TICRR: variants seen among roughly 807,000 people sequenced by gnomAD.
The protein encoded by TICRR is TOPBP1 interacting checkpoint and replication regulator.
TICRR carries 132 observed loss-of-function variants against 178.1 expected under a neutral mutation model. The observed-to-expected ratio is 0.74, with a 90% CI of 0.64 to 0.86. The LOEUF is 0.86. Ranked by LOEUF, TICRR falls within the 40% of genes least tolerant of loss-of-function variation. The probability of loss-of-function intolerance (pLI) is 0.00; values close to 1 mark genes in which losing one functional copy is unlikely to be tolerated. For missense variants in TICRR, 2,587 were observed against 2,334.3 expected, an observed-to-expected ratio of 1.11 and a Z score of -2.23; for synonymous variants, 991 against 900.7, an observed-to-expected ratio of 1.10 and a Z score of -1.79.
At position 89,621,378 on chromosome 15, in the gene TICRR, G is replaced by A. The variant is rs759538723; in HGVS notation, c.3155-15G>A. ...TGAGAAAGAATTAAATATTGTTGCT[G>A]TTTTTGACTTGCAGACCAAAGAGAA... is the stretch of plus-strand genomic sequence containing the variant. On this transcript the variant is annotated splice_polypyrimidine_tract_variant and intron_variant, in intron 18 of 21. Transcript: ENST00000268138. 1.3e-6 allele frequency: 2 copies of A among 1,588,964 alleles called. No homozygotes were observed. The highest frequency in any genetic ancestry group is 1.7e-6 in the Non-Finnish European group (2 of 1,172,432).
chr15:89,594,453 C>A lies in TICRR; in HGVS notation c.1580C>A (p.Ser527Tyr). The A allele has an allele frequency of 6.2e-7, 1 of 1,613,070 alleles. No individual in the cohort carries two copies. The highest frequency in any genetic ancestry group is 8.5e-7 in the Non-Finnish European group (1 of 1,179,468). ...QAASANKEES[S>Y]KTEGELIHCL... The stretch of plus-strand genomic sequence containing the variant: ...GCCTCAGCTAATAAGGAAGAGTCTT[C>A]CAAAACTGAAGGCGAATTAATACAT... Residue 527 changes from serine to tyrosine, a missense_variant, in exon 6 of 22, where the codon TCC becomes TAC. Physicochemically the swap from Ser to Tyr is moderately radical, Grantham distance 144. Coordinates refer to ENST00000268138, the MANE Select transcript of TICRR (RefSeq NM_152259.4).
intron 15 of TICRR, among the ~76,000 whole-genome samples, chr15:89,612,308 G>T (rs928940073): frequency 6.6e-6 from 1 of 152,164 alleles, no homozygotes; most frequent in African/African-American, 2.4e-5. Flanking sequence ...CGAGGAGGGG[G>T]AAGGTGTGTC....
chr15:89,619,604 T>C, intron 17 of TICRR, 104 bp from the exon 18 acceptor site: 1 of 1,235,776 alleles, frequency 8.1e-7, no homozygotes, highest in Non-Finnish European at 1.1e-6. Context: ...TGAATTTCCA[T>C]CTTATATGTG....
Position 89,601,470 on chromosome 15 carries a change from G to T in TICRR, c.2248-19G>T. On this transcript the variant is annotated intron_variant, in intron 10 of 21. Coordinates refer to ENST00000268138, the MANE Select transcript of TICRR (RefSeq NM_152259.4). ...CTGCAGAGGGCATCTATATAGTAACGTTCTAAAATCTCCTTCAGGTGACAG... is the reference window on the plus strand; with the variant it reads ...CTGCAGAGGGCATCTATATAGTAACTTTCTAAAATCTCCTTCAGGTGACAG... The T allele has an allele frequency of 6.2e-7, 1 of 1,613,938 alleles. No individual in the cohort carries two copies. The highest frequency in any genetic ancestry group is 8.5e-7 in the Non-Finnish European group (1 of 1,179,834).
chr15:89,617,564 T>C (rs530418118), intron 16 of TICRR, among the ~76,000 whole-genome samples: 8 of 152,218 alleles, frequency 5.3e-5, no homozygotes, highest in African/African-American at 1.9e-4. Context: ...ACTCTGTCAC[T>C]CAGGCTGGAG....
chr15:89,610,973 CTCT>C (rs1220098789), intron 15 of TICRR, among the ~76,000 whole-genome samples: 10 of 151,494 alleles, frequency 6.6e-5, no homozygotes, highest in East Asian at 1.9e-4. Context: ...GTATTTCTGT[CTCT>C]TCTTCTTTAT....
chr15:89,606,630 CTGTTGTACATTTT>C lies in TICRR; in HGVS notation c.2665-137_2665-125del, dbSNP rs1963179204. 177 of 716,352 alleles carry C rather than the reference CTGTTGTACATTTT, an allele frequency of 2.5e-4. 4 individuals are homozygous for C. The South Asian group carries it at 3.1e-3, about 13-fold the overall frequency. The allele number at this position is 716,352 out of a possible 1,614,324, so 44.4% of individuals were successfully genotyped here. The stretch of plus-strand genomic sequence containing the variant: ...AGCATTGAGTGTTTTTGGAACATTT[CTGTTGTACATTTT>C]ATTATTTCTATTATGGATCCCTATA... On this transcript the variant is annotated intron_variant, in intron 13 of 21. Transcript: ENST00000268138.
intron 13 of TICRR, among the ~76,000 whole-genome samples, chr15:89,604,039 A>G (rs940515646): frequency 1.3e-5 from 2 of 152,338 alleles, no homozygotes; most frequent in Middle Eastern, 3.4e-3. Flanking sequence ...ATTGGTTGAA[A>G]AAAAAATAAA....
chr15:89,609,578 G>T (rs564455849), intron 15 of TICRR, among the ~76,000 whole-genome samples: 1 of 151,974 alleles, frequency 6.6e-6, no homozygotes, highest in African/African-American at 2.4e-5. Flanking sequence ...AGGTTCAAGC[G>T]CTTCTCCTAC....
rs755011139 is a variant in TICRR at position 89,615,041 on chromosome 15, G to A, written c.2870-1364G>A. 2.2e-4 allele frequency among the ~76,000 whole-genome samples: 34 copies of A among 152,208 alleles called. 1 individual carries two copies. The highest frequency in any genetic ancestry group is 5.9e-5 in the Non-Finnish European group (4 of 68,040). On this transcript the variant is annotated intron_variant, in intron 15 of 21. Coordinates refer to ENST00000268138, the MANE Select transcript of TICRR (RefSeq NM_152259.4). ...CGTGTGTGGACTTTTGGATGCCTAAGAATGTCATCAGAGATTTGCAAAGTC... is the reference window on the plus strand; with the variant it reads ...CGTGTGTGGACTTTTGGATGCCTAAAAATGTCATCAGAGATTTGCAAAGTC...
chr15:89,594,391 A>G, intron 5 of TICRR, 24 bp from the exon 6 acceptor site: 1 of 1,586,892 alleles, frequency 6.3e-7, no homozygotes, highest in Non-Finnish European at 8.6e-7. Context: ...TGTTGGTTTT[A>G]TTCTAGACAT....
intron 15 of TICRR, among the ~76,000 whole-genome samples, chr15:89,612,085 T>C (rs1426284194): frequency 3.3e-5 from 5 of 152,244 alleles, no homozygotes; most frequent in East Asian, 1.9e-4. Context: ...GATATTATAA[T>C]GTGGTAACTG....
At chr15:89,622,959 C>T (rs915101342) in intron 19 of TICRR, among the ~76,000 whole-genome samples, 3 of 152,192 alleles carry the variant, frequency 2.0e-5, no homozygotes, top group Non-Finnish European at 4.4e-5. Flanking sequence ...TTTTCACCTG[C>T]GTATGCCCCA....
intron 6 of TICRR, 73 bp downstream of exon 6, chr15:89,594,627 C>T: frequency 7.5e-7 from 1 of 1,339,790 alleles, no homozygotes; most frequent in Non-Finnish European, 9.9e-7. Context: ...TGGGCATTTC[C>T]TGAAATGAGG....
chr15:89,616,806 A>G (rs1351476236), intron 16 of TICRR, among the ~76,000 whole-genome samples: 1 of 152,198 alleles, frequency 6.6e-6, no homozygotes, highest in Non-Finnish European at 1.5e-5. Context: ...GAACATAGAG[A>G]AGGTGGAAGT....
At chr15:89,595,683 A>T (rs1962986385) in intron 7 of TICRR, 72 bp downstream of exon 7, 1 of 1,125,054 alleles carries the variant, frequency 8.9e-7, no homozygotes, top group Non-Finnish European at 1.3e-6. Context: ...TCGTACCCTT[A>T]GTTTATTGAC....
intron 12 of TICRR, 91 bp from the exon 13 acceptor site, chr15:89,602,705 A>C: frequency 1.7e-6 from 1 of 594,958 alleles, no homozygotes; most frequent in Non-Finnish European, 2.5e-6. Context: ...TATTTAAATC[A>C]TATTTTATTT....
intron 12 of TICRR, among the ~76,000 whole-genome samples, chr15:89,602,197 G>A (rs1266170454): frequency 6.6e-6 from 1 of 152,164 alleles, no homozygotes; most frequent in Non-Finnish European, 1.5e-5. Flanking sequence ...CTTAACAACA[G>A]GGATACATCC....
At chr15:89,600,269 G>A (rs563575713) in intron 8 of TICRR, among the ~76,000 whole-genome samples, 59 of 152,130 alleles carry the variant, frequency 3.9e-4, no homozygotes, top group Non-Finnish European at 7.2e-4. Context: ...TGGCCATCAC[G>A]GAGCTCCTTC....
Sources: allele counts gnomAD v4.1 joint callset (sites outside exome capture counted in the v4.1 genomes callset), GRCh38; gene constraint gnomAD v4.1.1; transcripts MANE v1.5; gene names NCBI Gene and HGNC (gene_info 2026-07-23, HGNC 2026-07-21).